The following CTIF variants were observed in gnomAD, a reference collection of about 807,000 sequenced individuals.
CTIF encodes cap binding complex dependent translation initiation factor, also known as CBP80/20-dependent translation initiation factor.
In CTIF, 21 loss-of-function variants were observed where a neutral mutation model predicts 66.0. That is an observed-to-expected ratio of 0.32 (90% CI 0.23 to 0.46). CTIF has a LOEUF of 0.46. Among genes scored for constraint, CTIF ranks in the 20% least tolerant of loss-of-function variants. The probability of loss-of-function intolerance (pLI) is 1.00; values close to 1 mark genes in which losing one functional copy is unlikely to be tolerated. For missense variants in CTIF, 739 were observed against 812.7 expected (o/e 0.91, Z 1.10); for synonymous variants, 345 against 326.4 (o/e 1.06, Z -0.62).
chr18:48,779,376 G>C (rs189836524), intron 9 of CTIF, among the ~76,000 whole-genome samples: 1 of 152,302 alleles, frequency 6.6e-6, no homozygotes, highest in East Asian at 1.9e-4. Context: ...GTCAAGTCAC[G>C]CAGCTGGTCA....
intron 1 of CTIF, among the ~76,000 whole-genome samples, chr18:48,569,883 G>A (rs996282910): frequency 3.9e-5 from 6 of 152,298 alleles, no homozygotes; most frequent in South Asian, 2.1e-4. Context: ...CATTGGCTTC[G>A]ATCTATTCCA....
chr18:48,562,530 C>A (rs991187594), intron 1 of CTIF, among the ~76,000 whole-genome samples: 1 of 152,178 alleles, frequency 6.6e-6, no homozygotes, highest in African/African-American at 2.4e-5. Context: ...TCTGCAGCCC[C>A]CCGGGATCTC....
intron 9 of CTIF, among the ~76,000 whole-genome samples, chr18:48,790,619 C>T (rs760695866): frequency 8.5e-5 from 13 of 152,234 alleles, no homozygotes; most frequent in South Asian, 2.1e-4. Flanking sequence ...GCGGCCTCAA[C>T]GGCCAGAGGC....
chr18:48,759,707 T>C (rs1908768837), intron 8 of CTIF, among the ~76,000 whole-genome samples: 1 of 152,234 alleles, frequency 6.6e-6, no homozygotes, highest in Non-Finnish European at 1.5e-5. Flanking sequence ...TGAAATAACG[T>C]GTACAGATAT....
rs936372203 is a variant in CTIF at position 48,653,329 on chromosome 18, C to A, written c.253-10423C>A. 8.5e-5 allele frequency among the ~76,000 whole-genome samples: 13 copies of A among 152,204 alleles called. No individual in the cohort carries two copies. In the East Asian group the frequency reaches 9.6e-4, roughly 11 times the overall value. On this transcript the variant is annotated intron_variant, in intron 3 of 11. Coordinates refer to ENST00000256413, the MANE Select transcript of CTIF (RefSeq NM_014772.3). ...CAAAAATCACAAGCATTCCTATACACCAATAACAAACAGAGAGCCAAATCG... is the reference window on the plus strand; with the variant it reads ...CAAAAATCACAAGCATTCCTATACAACAATAACAAACAGAGAGCCAAATCG...
At chr18:48,730,417 G>T (rs2092436198) in intron 7 of CTIF, among the ~76,000 whole-genome samples, 1 of 136,422 alleles carries the variant, frequency 7.3e-6, no homozygotes, top group African/African-American at 2.6e-5. Context: ...ACGGTGTGTG[G>T]GGCCCCTGCG....
chr18:48,545,058 G>A (rs2088712538), intron 1 of CTIF, among the ~76,000 whole-genome samples: 1 of 152,222 alleles, frequency 6.6e-6, no homozygotes, highest in African/African-American at 2.4e-5. Flanking sequence ...GACGGCTCAG[G>A]AGCTGAATCT....
chr18:48,615,201 C>A (rs1170224413), intron 1 of CTIF, among the ~76,000 whole-genome samples: 1 of 152,218 alleles, frequency 6.6e-6, no homozygotes, highest in Admixed American at 6.5e-5. Context: ...CAGCTGAATG[C>A]TGTTTTATGT....
At chr18:48,657,622 C>T (rs1457961645) in intron 3 of CTIF, among the ~76,000 whole-genome samples, 3 of 152,060 alleles carry the variant, frequency 2.0e-5, no homozygotes, top group South Asian at 2.1e-4. Flanking sequence ...GTGCAGGGTA[C>T]GTGCTGTGAA....
intron 7 of CTIF, among the ~76,000 whole-genome samples, chr18:48,754,103 G>A (rs1908104924): frequency 6.6e-6 from 1 of 152,248 alleles, no homozygotes; most frequent in South Asian, 2.1e-4. Context: ...GCCCTTAGCA[G>A]CCCTCTTGGC....
intron 6 of CTIF, among the ~76,000 whole-genome samples, chr18:48,705,760 T>A (rs2092144465): frequency 6.6e-6 from 1 of 152,254 alleles, no homozygotes; most frequent in South Asian, 2.1e-4. Flanking sequence ...GGTTGTGGCA[T>A]GCCCTCTTCT....
intron 9 of CTIF, among the ~76,000 whole-genome samples, chr18:48,803,425 A>T (rs1274083251): frequency 6.6e-6 from 1 of 152,164 alleles, no homozygotes; most frequent in African/African-American, 2.4e-5. Flanking sequence ...GATAATCCTC[A>T]TCATATCACT....
chr18:48,648,247 T>G (rs1432813704), intron 3 of CTIF, among the ~76,000 whole-genome samples: 1 of 151,994 alleles, frequency 6.6e-6, no homozygotes, highest in Non-Finnish European at 1.5e-5. Flanking sequence ...GGGTCTTAAT[T>G]CAAAGAAAAA....
chr18:48,856,659 G>T (rs1284451060), intron 10 of CTIF, among the ~76,000 whole-genome samples: 1 of 152,192 alleles, frequency 6.6e-6, no homozygotes, highest in East Asian at 1.9e-4. Flanking sequence ...ATCACAAAAG[G>T]CCACATATTG....
chr18:48,620,317 T>C (rs1360273102), intron 2 of CTIF, among the ~76,000 whole-genome samples: 1 of 152,186 alleles, frequency 6.6e-6, no homozygotes, highest in African/African-American at 2.4e-5. Context: ...GTCTGTGGCA[T>C]CCCTGACCTT....
chr18:48,556,067 A>G (rs1269058802), intron 1 of CTIF, among the ~76,000 whole-genome samples: 1 of 152,150 alleles, frequency 6.6e-6, no homozygotes. Context: ...TTTTTATTCT[A>G]AACATTGAGC....
chr18:48,575,364 C>A (rs969800057), intron 1 of CTIF, among the ~76,000 whole-genome samples: 18 of 152,224 alleles, frequency 1.2e-4, no homozygotes, highest in Admixed American at 9.8e-4. Context: ...GGGATCCAGA[C>A]CCCGTGCCTT....
chr18:48,685,883 G>A (rs923328419), intron 6 of CTIF, among the ~76,000 whole-genome samples: 7 of 151,928 alleles, frequency 4.6e-5, no homozygotes, highest in Non-Finnish European at 5.9e-5. Flanking sequence ...CACTGTGTTG[G>A]CCGGGCTGAT....
chr18:48,731,929 A>G (rs2092459922), intron 7 of CTIF, among the ~76,000 whole-genome samples: 1 of 152,244 alleles, frequency 6.6e-6, no homozygotes, highest in South Asian at 2.1e-4. Context: ...AAGCAGTTAT[A>G]GAAATATATA....
Sources: gnomAD v4.1 joint callset for allele counts (sites outside exome capture counted in the v4.1 genomes callset) on GRCh38, gnomAD v4.1.1 for gene constraint, MANE v1.5 for transcripts, NCBI Gene and HGNC (gene_info 2026-07-23, HGNC 2026-07-21) for gene names.